The following TTC29 variants were observed in gnomAD, a reference collection of about 807,000 sequenced individuals.
TTC29 encodes the protein tetratricopeptide repeat domain 29, also known as tetratricopeptide repeat protein 29.
In TTC29, 49 loss-of-function variants were observed where a neutral mutation model predicts 58.1. That is an observed-to-expected ratio of 0.84 (90% CI 0.67 to 1.07). The LOEUF (loss-of-function observed/expected upper bound fraction) is 1.07. Ranked by LOEUF, TTC29 falls within the 50% of genes least tolerant of loss-of-function variation. The pLI is 0.00. For synonymous variants in TTC29, 209 were observed against 196.8 expected (o/e 1.06, Z -0.52); for missense variants, 582 against 555.6 (o/e 1.05, Z -0.48).
At chr4:146,719,190 GT>G (rs1253002548) in intron 11 of TTC29, among the ~76,000 whole-genome samples, 666 of 14,004 alleles carry the variant, frequency 0.048, 8 homozygotes, top group African/African-American at 0.15. Flanking sequence ...GGCTATTGGG[GT>G]GTGTGTGTGT....
intron 11 of TTC29, among the ~76,000 whole-genome samples, chr4:146,793,709 A>G (rs896437319): frequency 7.2e-5 from 11 of 152,268 alleles, no homozygotes; most frequent in Admixed American, 2.0e-4. Flanking sequence ...GAAGAAAAGC[A>G]ATAGGTTGGT....
intron 4 of TTC29, among the ~76,000 whole-genome samples, chr4:146,919,586 C>T (rs957254144): frequency 6.6e-6 from 1 of 151,002 alleles, no homozygotes; most frequent in Non-Finnish European, 1.5e-5. Flanking sequence ...ACAAAAAACT[C>T]CATAGAATAT....
At chr4:146,878,966 C>T (rs529190704) in intron 6 of TTC29, among the ~76,000 whole-genome samples, 1 of 152,220 alleles carries the variant, frequency 6.6e-6, no homozygotes, top group African/African-American at 2.4e-5. Context: ...TTTCATTTCC[C>T]CTTGCTTCAC....
chr4:146,834,958 A>G (rs904186043), intron 8 of TTC29, among the ~76,000 whole-genome samples: 6 of 152,144 alleles, frequency 3.9e-5, no homozygotes, highest in African/African-American at 1.4e-4. Flanking sequence ...ATGGCTATAT[A>G]CTGACCCAGG....
intron 3 of TTC29, among the ~76,000 whole-genome samples, chr4:146,938,747 A>C (rs1736080940): frequency 6.6e-6 from 1 of 152,204 alleles, no homozygotes; most frequent in African/African-American, 2.4e-5. Context: ...AAATACTAAA[A>C]ATGAGGCATG....
At chr4:146,820,890 G>C (rs1051844225) in intron 9 of TTC29, among the ~76,000 whole-genome samples, 1 of 152,070 alleles carries the variant, frequency 6.6e-6, no homozygotes, top group Non-Finnish European at 1.5e-5. Context: ...AAATTAGCCA[G>C]GCATGGTGGT....
At chr4:146,927,400 G>A (rs567015822) in intron 4 of TTC29, among the ~76,000 whole-genome samples, 9 of 151,964 alleles carry the variant, frequency 5.9e-5, no homozygotes, top group African/African-American at 2.2e-4. Flanking sequence ...TCCATTATAC[G>A]TGGCAGCCTC....
intron 6 of TTC29, among the ~76,000 whole-genome samples, chr4:146,877,794 T>G (rs1225971357): frequency 6.6e-6 from 1 of 152,188 alleles, no homozygotes; most frequent in African/African-American, 2.4e-5. Context: ...AGTTCCAGAA[T>G]AGATATGGAT....
Position 146,707,135 on chromosome 4 carries a change from T to C in TTC29, c.*23A>G. The C allele has an allele frequency of 6.6e-7, 1 of 1,515,818 alleles. No individual in the cohort carries two copies. The highest frequency in any genetic ancestry group is 8.9e-7 in the Non-Finnish European group (1 of 1,126,660). 93.9% of individuals were successfully genotyped at this position (1,515,818 alleles called of 1,614,324 possible). A position where few individuals can be genotyped will look rare whatever the true frequency, so the allele number is the denominator to read the frequency against. ...GTGACATGATGGATTTCTTCTTGCTTTGATGTTAAGTGAAAAGCTGCTTTA... is the reference window on the plus strand; with the variant it reads ...GTGACATGATGGATTTCTTCTTGCTCTGATGTTAAGTGAAAAGCTGCTTTA... On this transcript the variant is annotated 3_prime_UTR_variant, in exon 13 of 13. Coordinates refer to ENST00000325106, the MANE Select transcript of TTC29 (RefSeq NM_031956.4).
chr4:146,732,597 A>T (rs1744421958), intron 11 of TTC29, among the ~76,000 whole-genome samples: 1 of 152,110 alleles, frequency 6.6e-6, no homozygotes, highest in Admixed American at 6.6e-5. Context: ...TAACTACGGG[A>T]ATGAGTAGGT....
intron 11 of TTC29, among the ~76,000 whole-genome samples, chr4:146,793,937 G>A (rs1393339154): frequency 6.6e-6 from 1 of 152,120 alleles, no homozygotes; most frequent in Non-Finnish European, 1.5e-5. Context: ...AGAAACAACT[G>A]GAAGGGCCTC....
At chr4:146,731,478 C>G (rs989569944) in intron 11 of TTC29, among the ~76,000 whole-genome samples, 1 of 151,906 alleles carries the variant, frequency 6.6e-6, no homozygotes, top group East Asian at 1.9e-4. Flanking sequence ...TGTAAGAGTG[C>G]AAACAGACAG....
chr4:146,745,607 G>A (rs575792766), intron 11 of TTC29, among the ~76,000 whole-genome samples: 112 of 152,348 alleles, frequency 7.4e-4, no homozygotes, highest in African/African-American at 2.5e-3. Flanking sequence ...ATACTCAATA[G>A]GTGGACGGTT....
chr4:146,876,581 A>G (rs1419226490), intron 6 of TTC29, among the ~76,000 whole-genome samples: 1 of 152,212 alleles, frequency 6.6e-6, no homozygotes, highest in African/African-American at 2.4e-5. Flanking sequence ...AGAAATAAGA[A>G]TAGTATTCTC....
intron 12 of TTC29, 126 bp downstream of exon 12, chr4:146,707,359 G>GT: frequency 6.4e-6 from 5 of 779,798 alleles, no homozygotes; most frequent in Non-Finnish European, 8.0e-6. Context: ...TTAAAGCAGT[G>GT]TTTCACTATT....
chr4:146,729,188 C>A (rs1744144673), intron 11 of TTC29, among the ~76,000 whole-genome samples: 1 of 151,954 alleles, frequency 6.6e-6, no homozygotes, highest in South Asian at 2.1e-4. Flanking sequence ...AGATCTTGTG[C>A]CATCTTATAC....
At chr4:146,938,444 GAT>G (rs1736054405) in intron 3 of TTC29, among the ~76,000 whole-genome samples, 1 of 151,922 alleles carries the variant, frequency 6.6e-6, no homozygotes, top group South Asian at 2.1e-4. Flanking sequence ...CTAACCTAAG[GAT>G]ATGAGATTTG....
intron 9 of TTC29, among the ~76,000 whole-genome samples, chr4:146,829,899 T>A (rs1374619138): frequency 6.6e-6 from 1 of 152,152 alleles, no homozygotes; most frequent in African/African-American, 2.4e-5. Context: ...ATAATCTGAG[T>A]ATTTTGGAAA....
intron 9 of TTC29, among the ~76,000 whole-genome samples, chr4:146,830,822 GAT>G (rs1728107843): frequency 6.6e-6 from 1 of 152,116 alleles, no homozygotes; most frequent in Non-Finnish European, 1.5e-5. Context: ...TTTACTGAAG[GAT>G]ATAAAGCCTT....
Sources: gnomAD v4.1 joint callset for allele counts (sites outside exome capture counted in the v4.1 genomes callset) on GRCh38, gnomAD v4.1.1 for gene constraint, MANE v1.5 for transcripts, NCBI Gene and HGNC (gene_info 2026-07-23, HGNC 2026-07-21) for gene names.